EVL: variants seen among roughly 807,000 people sequenced by gnomAD.
EVL encodes the protein Enah/Vasp-like.
Under a neutral mutation model 59.6 loss-of-function variants are expected in EVL, and 21 were observed. That is an observed-to-expected ratio of 0.35 (90% CI 0.25 to 0.51). EVL has a LOEUF of 0.51. EVL is among the 20% of genes least tolerant of loss of function. The probability of loss-of-function intolerance (pLI) is 0.97; values close to 1 mark genes in which losing one functional copy is unlikely to be tolerated. For synonymous variants in EVL, 198 were observed against 203.5 expected (o/e 0.97, Z 0.23); for missense variants, 462 against 546.6 (o/e 0.85, Z 1.54).
intron 1 of EVL, among the ~76,000 whole-genome samples, chr14:100,044,989 A>C (rs865818438): frequency 2.0e-5 from 3 of 152,332 alleles, no homozygotes; most frequent in South Asian, 4.1e-4. Flanking sequence ...ATACTGGAGC[A>C]AAAGCTAGGC....
chr14:99,979,049 T>C (rs926112145), intron 1 of EVL, among the ~76,000 whole-genome samples: 5 of 152,210 alleles, frequency 3.3e-5, no homozygotes, highest in Non-Finnish European at 5.9e-5. Context: ...AGACTCTATG[T>C]ATTTTCATAT....
chr14:99,982,678 C>G (rs1019422517), intron 1 of EVL, among the ~76,000 whole-genome samples: 3 of 152,156 alleles, frequency 2.0e-5, no homozygotes, highest in Non-Finnish European at 4.4e-5. Context: ...GCGATTCATA[C>G]GAAGATGCAT....
intron 9 of EVL, chr14:100,137,236 C>T: frequency 2.9e-6 from 1 of 348,202 alleles, no homozygotes; most frequent in Non-Finnish European, 5.4e-6. Context: ...GGCCGCCACA[C>T]CACACGTGGG....
chr14:100,054,255 A>G (rs1044488973), intron 1 of EVL, among the ~76,000 whole-genome samples: 4 of 151,296 alleles, frequency 2.6e-5, no homozygotes, highest in Non-Finnish European at 5.9e-5. Flanking sequence ...GGGTTTCACC[A>G]TGTTGGCCAG....
At position 99,982,577 on chromosome 14, in the gene EVL, G is replaced by A. The variant is rs575056197; in HGVS notation, c.5+10520G>A. On this transcript the variant is annotated intron_variant, in intron 1 of 13. Coordinates refer to the EVL transcript ENST00000402714. Reference sequence around the variant, plus strand: ...AGAGAGAAGTAAATGGGGTTAAGAGGGAGAGCGGGGGGAAAAAATACTGTA... The same window carrying A: ...AGAGAGAAGTAAATGGGGTTAAGAGAGAGAGCGGGGGGAAAAAATACTGTA... 8.5e-5 allele frequency among the ~76,000 whole-genome samples: 13 copies of A among 152,260 alleles called. No individual in the cohort carries two copies. The East Asian group carries it at 2.3e-3, about 27-fold the overall frequency.
intron 3 of EVL, among the ~76,000 whole-genome samples, chr14:100,110,464 T>G (rs1595196389): frequency 6.6e-6 from 1 of 152,122 alleles, no homozygotes; most frequent in Non-Finnish European, 1.5e-5. Flanking sequence ...CCAGGCTTCT[T>G]GGATCCTGAT....
In EVL at chr14:100,122,093, C is replaced by T. The variant is rs58946769; in HGVS notation, c.359-1446C>T. On this transcript the variant is annotated intron_variant, in intron 3 of 13. Coordinates refer to ENST00000392920, the MANE Select transcript of EVL (RefSeq NM_016337.3). ...TCAGGTGCAAGTCCCGGACGTGGAG[C>T]TGAAACGCCAGGAATCCCTCCCGCC... 2.0e-5 allele frequency among the ~76,000 whole-genome samples: 3 copies of T among 152,340 alleles called. No homozygotes were observed. In the East Asian group the frequency reaches 5.8e-4, roughly 29 times the overall value.
chr14:99,979,383 T>TA (rs2060791796), intron 1 of EVL, among the ~76,000 whole-genome samples: 1 of 152,166 alleles, frequency 6.6e-6, no homozygotes, highest in African/African-American at 2.4e-5. Flanking sequence ...ATACAGAAGT[T>TA]AAAAAAATTT....
chr14:100,109,604 TG>T lies in EVL; in HGVS notation c.358+11947del, dbSNP rs1175598655. 2.0e-6 allele frequency: 1 copy of T among 502,160 alleles called. No individual in the cohort carries two copies. The highest frequency in any genetic ancestry group is 4.1e-6 in the Non-Finnish European group (1 of 241,498). The allele number at this position is 502,160 out of a possible 1,614,324, so 31.1% of individuals were successfully genotyped here. A position where few individuals can be genotyped will look rare whatever the true frequency, so the allele number is the denominator to read the frequency against. On this transcript the variant is annotated intron_variant, in intron 3 of 13. Transcript: ENST00000392920. The surrounding 1 kb of genome is among the most constrained non-coding windows in gnomAD (Gnocchi z 4.3). ...CACTTCCTGCCATTGCATCCTTCTC[TG>T]CAGACTAAGATGGAGTTCCTGAACC...
At chr14:100,078,557 T>C (rs990048786) in intron 1 of EVL, among the ~76,000 whole-genome samples, 3 of 136,752 alleles carry the variant, frequency 2.2e-5, no homozygotes, top group African/African-American at 5.7e-5. Context: ...CAATGGGGGC[T>C]TGGAGAGTGA....
At chr14:100,027,133 A>G (rs541625896) in intron 1 of EVL, among the ~76,000 whole-genome samples, 2 of 152,344 alleles carry the variant, frequency 1.3e-5, no homozygotes, top group African/African-American at 4.8e-5. Flanking sequence ...TACTAAGTAT[A>G]CCTATTTATG....
At chr14:100,135,565 C>T in intron 8 of EVL, 1 of 290,902 alleles carries the variant, frequency 3.4e-6, no homozygotes, top group East Asian at 8.6e-5. Context: ...CCACGGGGTG[C>T]TCATGAGAAG....
intron 3 of EVL, among the ~76,000 whole-genome samples, chr14:100,103,022 A>G (rs1886324875): frequency 6.6e-6 from 1 of 151,448 alleles, no homozygotes; most frequent in South Asian, 2.1e-4. Flanking sequence ...GAATCGCTTG[A>G]ACCCGGAAGA....
chr14:100,051,073 T>C (rs72711913), intron 1 of EVL, among the ~76,000 whole-genome samples: 2,712 of 152,300 alleles, frequency 0.018, 35 homozygotes, highest in Non-Finnish European at 0.027. Flanking sequence ...CATACAGTAG[T>C]TCCCCCTGCC....
At chr14:99,994,906 T>C (rs2060902977) in intron 1 of EVL, among the ~76,000 whole-genome samples, 1 of 152,214 alleles carries the variant, frequency 6.6e-6, no homozygotes, top group Non-Finnish European at 1.5e-5. Context: ...TGAAGGACAG[T>C]TTTGCTGCAT....
In EVL at chr14:100,132,858, G is replaced by A. The variant is rs1055791589; in HGVS notation, c.900+79G>A. 3.3e-6 allele frequency: 5 copies of A among 1,529,758 alleles called. No homozygotes were observed. In the South Asian group the frequency reaches 3.4e-5, roughly 10 times the overall value. 94.8% of individuals were successfully genotyped at this position (1,529,758 alleles called of 1,614,324 possible). A position where few individuals can be genotyped will look rare whatever the true frequency, so the allele number is the denominator to read the frequency against. The stretch of plus-strand genomic sequence containing the variant: ...CCAGGGAGGCTCTCTGGTCTCAGGC[G>A]AGGCCTTTGGGACATGCGTGGGATG... On this transcript the variant is annotated intron_variant, in intron 8 of 13. Transcript: ENST00000392920.
intron 1 of EVL, among the ~76,000 whole-genome samples, chr14:100,022,539 AG>A (rs2061144050): frequency 1.3e-5 from 2 of 152,220 alleles, no homozygotes; most frequent in East Asian, 3.9e-4. Context: ...CTTGGCCCCC[AG>A]AAGTGCTGGG....
chr14:100,107,966 G>C (rs963475138), intron 3 of EVL: 2 of 152,226 alleles, frequency 1.3e-5, no homozygotes, highest in Non-Finnish European at 1.5e-5. Flanking sequence ...TAAAACACAG[G>C]ATGAAGTGCT....
At chr14:100,027,739 A>C (rs1281723074) in intron 1 of EVL, among the ~76,000 whole-genome samples, 1 of 151,966 alleles carries the variant, frequency 6.6e-6, no homozygotes, top group Non-Finnish European at 1.5e-5. Flanking sequence ...CAGTGGCATG[A>C]TCTCAGCTCA....
Sources: gnomAD v4.1 joint callset for allele counts (sites outside exome capture counted in the v4.1 genomes callset) on GRCh38, gnomAD v4.1.1 for gene constraint, Gnocchi (gnomAD v3.1) non-coding constraint, MANE v1.5 for transcripts, NCBI Gene and HGNC (gene_info 2026-07-23, HGNC 2026-07-21) for gene names.